Variants in UFD1 observed in about 807,000 individuals in gnomAD.
UFD1 encodes the protein ubiquitin recognition factor in ER-associated degradation protein 1.
A neutral mutation model predicts 45.9 loss-of-function variants in UFD1; 13 were observed. The ratio of observed to expected loss-of-function variants is 0.28; its 90% CI spans 0.18 to 0.45. UFD1 has a LOEUF of 0.45. Ranked by LOEUF, UFD1 falls within the 20% of genes least tolerant of loss-of-function variation. The pLI is 1.00. For missense variants in UFD1, 218 were observed against 389.2 expected (o/e 0.56, Z 3.70); for synonymous variants, 128 against 139.2 (o/e 0.92, Z 0.56).
At chr22:19,474,958 C>T (rs2089870951) in intron 3 of UFD1, 110 bp downstream of exon 3, 1 of 1,135,412 alleles carries the variant, frequency 8.8e-7, no homozygotes, top group Non-Finnish European at 1.3e-6. Flanking sequence ...AATTCACAAC[C>T]AGATGCTGAC....
intron 11 of UFD1, chr22:19,453,933 T>C (rs2089702053): frequency 2.0e-6 from 2 of 985,588 alleles, no homozygotes; most frequent in Admixed American, 6.1e-5. Flanking sequence ...GCTGGTGTTG[T>C]AGAAATCCTC....
chr22:19,470,448 T>G lies in UFD1; in HGVS notation c.291+1239A>C, dbSNP rs1240323960. ...AGAATTTTGATTCATATTATTGTTG[T>G]TTTTTTTTTTTGAGATGGAGTCTCG... On this transcript the variant is annotated intron_variant, in intron 4 of 11. Transcript: ENST00000263202. Among the ~76,000 whole-genome samples, 7 of 54,884 alleles carry G rather than the reference T, an allele frequency of 1.3e-4. No homozygotes were observed. The East Asian group carries it at 2.7e-3, about 21-fold the overall frequency. The allele number at this position is 54,884 out of a possible 152,430, so 36.0% of individuals were successfully genotyped here. A position where few individuals can be genotyped will look rare whatever the true frequency, so the allele number is the denominator to read the frequency against.
intron 11 of UFD1, chr22:19,451,571 G>C: frequency 1.0e-6 from 1 of 985,324 alleles, no homozygotes; most frequent in Non-Finnish European, 1.2e-6. Flanking sequence ...TCAGTCTGAG[G>C]CATTATCTCA....
At chr22:19,472,272 G>A (rs966860041) in intron 3 of UFD1, among the ~76,000 whole-genome samples, 4 of 152,166 alleles carry the variant, frequency 2.6e-5, no homozygotes, top group African/African-American at 9.7e-5. Context: ...GACCTGGGAG[G>A]AAATCCAGGC....
intron 4 of UFD1, among the ~76,000 whole-genome samples, chr22:19,469,052 A>G (rs958719840): frequency 5.9e-5 from 9 of 152,178 alleles, no homozygotes; most frequent in Non-Finnish European, 1.0e-4. Context: ...CTTGCAGAGG[A>G]CCCCATGCAC....
chr22:19,451,531 A>G (rs776178152), intron 11 of UFD1: 191 of 985,276 alleles, frequency 1.9e-4, no homozygotes, highest in African/African-American at 5.6e-4. Context: ...AAAACTGCAC[A>G]TATTTTTTTT....
intron 1 of UFD1, chr22:19,478,773 T>C: frequency 4.4e-6 from 2 of 453,748 alleles, no homozygotes; most frequent in Non-Finnish European, 3.9e-6. Context: ...TTTGGGTTTA[T>C]GGAAACCTGT....
chr22:19,450,869 C>T, intron 11 of UFD1, 125 bp from the exon 12 acceptor site: 3 of 1,545,992 alleles, frequency 1.9e-6, no homozygotes, highest in Non-Finnish European at 2.6e-6. Context: ...GACACGATAG[C>T]TGACACCTGT....
At chr22:19,477,501 C>T (rs746307049) in intron 1 of UFD1, among the ~76,000 whole-genome samples, 4 of 151,994 alleles carry the variant, frequency 2.6e-5, no homozygotes, top group African/African-American at 7.3e-5. Flanking sequence ...TTCATGGAGA[C>T]AAAGTGGAAC....
intron 1 of UFD1, among the ~76,000 whole-genome samples, chr22:19,475,857 AG>A (rs1388988578): frequency 4.6e-5 from 7 of 152,192 alleles, no homozygotes; most frequent in African/African-American, 1.7e-4. Context: ...TTGTACTGAC[AG>A]CCCCACAGAC....
In UFD1 at chr22:19,477,929, CA is replaced by C. The variant is rs140493755; in HGVS notation, c.3+1153del. 8.5e-3 allele frequency among the ~76,000 whole-genome samples: 1,290 copies of C among 152,304 alleles called. 24 individuals carry two copies. Among genetic ancestry groups the C allele is most frequent in the African/African-American group, 0.029 (1,208 of 41,548 alleles). ...AATCTTTTGTCTTTCTTCTTTTAAG[CA>C]GCATAACTGTTCAGCTAAATCTTGG... On this transcript the variant is annotated intron_variant, in intron 1 of 11. Coordinates refer to ENST00000263202, the MANE Select transcript of UFD1 (RefSeq NM_005659.7).
At chr22:19,462,150 C>A (rs377649777) in intron 6 of UFD1, among the ~76,000 whole-genome samples, 4 of 151,696 alleles carry the variant, frequency 2.6e-5, no homozygotes, top group Admixed American at 2.0e-4. Flanking sequence ...CAGGTGCATG[C>A]CACCATGCCC....
chr22:19,456,777 C>G, intron 8 of UFD1, 76 bp downstream of exon 8: 2 of 1,613,660 alleles, frequency 1.2e-6, no homozygotes, highest in South Asian at 2.2e-5. Context: ...CTAGCAGAGG[C>G]CACCCACGAG....
intron 8 of UFD1, 72 bp downstream of exon 8, chr22:19,456,781 C>T (rs1472376707): frequency 3.7e-6 from 6 of 1,613,696 alleles, no homozygotes; most frequent in Non-Finnish European, 5.1e-6. Flanking sequence ...CAGAGGCCAC[C>T]CACGAGCCAC....
At chr22:19,458,284 T>A (rs2089739232) in intron 6 of UFD1, 145 bp from the exon 7 acceptor site, 1 of 802,606 alleles carries the variant, frequency 1.2e-6, no homozygotes, top group African/African-American at 1.7e-5. Flanking sequence ...CTTCTTGCTG[T>A]GACAACACTG....
chr22:19,456,535 A>G (rs2089724242), intron 9 of UFD1, 52 bp downstream of exon 9: 5 of 1,611,778 alleles, frequency 3.1e-6, no homozygotes, highest in East Asian at 2.2e-5. Flanking sequence ...GAGTGCTCTA[A>G]TTTCAAGGAG....
chr22:19,459,719 T>C (rs2089750911), intron 6 of UFD1, among the ~76,000 whole-genome samples: 1 of 149,890 alleles, frequency 6.7e-6, no homozygotes, highest in African/African-American at 2.4e-5. Flanking sequence ...TTTGCTTTTA[T>C]CTAAAGTCTG....
chr22:19,463,562 TA>T (rs1271234361), intron 6 of UFD1, among the ~76,000 whole-genome samples: 1 of 152,208 alleles, frequency 6.6e-6, no homozygotes, highest in African/African-American at 2.4e-5. Flanking sequence ...CCCAAAGACG[TA>T]ACTAAACTGG....
chr22:19,471,543 T>TTC, intron 4 of UFD1, 144 bp downstream of exon 4: 1 of 1,264,440 alleles, frequency 7.9e-7, no homozygotes, highest in Non-Finnish European at 1.1e-6. Context: ...TCTGGATCCC[T>TTC]TCTCTCTCGC....
Sources: gnomAD v4.1 joint callset for allele counts (sites outside exome capture counted in the v4.1 genomes callset) on GRCh38, gnomAD v4.1.1 for gene constraint, MANE v1.5 for transcripts, NCBI Gene and HGNC (gene_info 2026-07-23, HGNC 2026-07-21) for gene names.